PHF24: variants seen among roughly 807,000 people sequenced by gnomAD.
PHF24 encodes the protein PHD finger protein 24.
In PHF24, 25 loss-of-function variants were observed where a neutral mutation model predicts 42.6. The observed-to-expected ratio is 0.59, with a 90% CI of 0.43 to 0.82. The LOEUF (loss-of-function observed/expected upper bound fraction) is 0.82, where lower values mean the gene tolerates loss of function less well. Among genes scored for constraint, PHF24 ranks in the 40% least tolerant of loss-of-function variants. PHF24 has a pLI of 0.00. For missense variants in PHF24, 470 were observed against 538.1 expected, an observed-to-expected ratio of 0.87 and a Z score of 1.25; for synonymous variants, 185 against 204.8, an observed-to-expected ratio of 0.90 and a Z score of 0.83.
the PHF24 span, among the ~76,000 whole-genome samples, chr9:34,871,271 ATTT>A: frequency 6.6e-6 from 1 of 152,148 alleles, no homozygotes; most frequent in African/African-American, 2.4e-5. Context: ...TCTTTTGCCC[ATTT>A]TTAAATTCAG....
At chr9:34,822,095 A>T in the PHF24 span, among the ~76,000 whole-genome samples, 1 of 151,984 alleles carries the variant, frequency 6.6e-6, no homozygotes, top group African/African-American at 2.4e-5. Flanking sequence ...CATTCATTTT[A>T]TGTCTATTTT....
At chr9:34,834,796 A>G in the PHF24 span, 1 of 1,542,894 alleles carries the variant, frequency 6.5e-7, no homozygotes, top group Non-Finnish European at 8.7e-7. Context: ...GTTGATGGTC[A>G]GATGGAGACA....
chr9:34,929,442 C>T, the PHF24 span, among the ~76,000 whole-genome samples: 1 of 152,146 alleles, frequency 6.6e-6, no homozygotes, highest in Non-Finnish European at 1.5e-5. Flanking sequence ...GGTGGGACTC[C>T]CTTTTCTGTT....
chr9:34,844,695 A>G, the PHF24 span, among the ~76,000 whole-genome samples: 5 of 152,144 alleles, frequency 3.3e-5, no homozygotes, highest in Non-Finnish European at 7.4e-5. Context: ...CACTCTTCTT[A>G]AATGTGTTAT....
At chr9:34,879,030 G>A in the PHF24 span, among the ~76,000 whole-genome samples, 2 of 152,174 alleles carry the variant, frequency 1.3e-5, no homozygotes, top group Non-Finnish European at 2.9e-5. Flanking sequence ...GGATCAGGTG[G>A]CAACAGTTGC....
At chr9:34,960,753 A>G (rs566334679) in intron 1 of PHF24, among the ~76,000 whole-genome samples, 2 of 152,320 alleles carry the variant, frequency 1.3e-5, no homozygotes, top group East Asian at 3.9e-4. Context: ...CCCCATGTCC[A>G]GCATTGGGTA....
chr9:34,888,520 G>A, the PHF24 span, among the ~76,000 whole-genome samples: 4 of 152,210 alleles, frequency 2.6e-5, no homozygotes, highest in African/African-American at 9.7e-5. Flanking sequence ...ACAGGCAACA[G>A]GACTAGAGTG....
the PHF24 span, among the ~76,000 whole-genome samples, chr9:34,807,191 C>T: frequency 1.3e-5 from 2 of 152,130 alleles, no homozygotes; most frequent in South Asian, 2.1e-4. Context: ...TAATAGGTGC[C>T]CTTTATCAGA....
At chr9:34,807,746 A>G in the PHF24 span, among the ~76,000 whole-genome samples, 1 of 152,224 alleles carries the variant, frequency 6.6e-6, no homozygotes, top group South Asian at 2.1e-4. Context: ...TCTGAAGAGT[A>G]ACAATAGCAT....
chr9:34,897,637 A>G, the PHF24 span, among the ~76,000 whole-genome samples: 1 of 152,226 alleles, frequency 6.6e-6, no homozygotes. Flanking sequence ...TCTAAAAATG[A>G]TTTGACAAAC....
the PHF24 span, among the ~76,000 whole-genome samples, chr9:34,875,946 ACACACTCTCTCTCTCTCTCTCTCT>A: frequency 4.6e-4 from 41 of 89,074 alleles, 1 homozygote; most frequent in Admixed American, 2.3e-3. Flanking sequence ...ACACACACAC[ACACACTCTCTCTCTCTCTCTCTCT>A]CTCTCTCTCT....
chr9:34,747,520 A>G, the PHF24 span, among the ~76,000 whole-genome samples: 2 of 152,246 alleles, frequency 1.3e-5, no homozygotes, highest in African/African-American at 4.8e-5. Context: ...AAAGATAACT[A>G]TTAATAAATT....
the PHF24 span, among the ~76,000 whole-genome samples, chr9:34,734,136 C>T: frequency 6.6e-6 from 1 of 152,200 alleles, no homozygotes; most frequent in African/African-American, 2.4e-5. Context: ...AGCTGAAGTT[C>T]TAGGTCAACT....
At chr9:34,884,123 C>G in the PHF24 span, among the ~76,000 whole-genome samples, 1 of 152,088 alleles carries the variant, frequency 6.6e-6, no homozygotes, top group Non-Finnish European at 1.5e-5. Context: ...GGACAGAAAA[C>G]CAAGCACCGC....
the PHF24 span, among the ~76,000 whole-genome samples, chr9:34,912,922 T>C: frequency 6.6e-6 from 1 of 152,186 alleles, no homozygotes; most frequent in Non-Finnish European, 1.5e-5. Flanking sequence ...ATTATGTGCA[T>C]CTTCCAGAAG....
chr9:34,777,599 G>T, the PHF24 span, among the ~76,000 whole-genome samples: 13 of 152,292 alleles, frequency 8.5e-5, no homozygotes, highest in African/African-American at 2.9e-4. Context: ...GGTGGTACTT[G>T]TGCCTCAGCC....
At chr9:34,913,194 G>A in the PHF24 span, among the ~76,000 whole-genome samples, 1 of 152,078 alleles carries the variant, frequency 6.6e-6, no homozygotes, top group Non-Finnish European at 1.5e-5. Flanking sequence ...TGAGGACTTT[G>A]GGGACAATAT....
At chr9:34,887,475 T>A in the PHF24 span, among the ~76,000 whole-genome samples, 7 of 151,774 alleles carry the variant, frequency 4.6e-5, no homozygotes, top group African/African-American at 1.7e-4. Context: ...CTTTATTCCT[T>A]TATTACTCTG....
At chr9:34,980,704 C>G (rs1827359490) in exon 8 of PHF24, 1 of 152,250 alleles carries the variant, frequency 6.6e-6, no homozygotes, top group African/African-American at 2.4e-5. Context: ...TCAAGCCCTC[C>G]CATCACTGTG....
Sources: allele counts gnomAD v4.1 joint callset (sites outside exome capture counted in the v4.1 genomes callset), GRCh38; gene constraint gnomAD v4.1.1; transcripts MANE v1.5; gene names NCBI Gene and HGNC (gene_info 2026-07-23, HGNC 2026-07-21).